The following NKD1 variants were observed in gnomAD, a reference collection of about 807,000 sequenced individuals.
NKD1 encodes NKD inhibitor of Wnt signaling pathway 1.
A neutral mutation model predicts 56.0 loss-of-function variants in NKD1; 21 were observed. The observed-to-expected ratio is 0.38, with a 90% confidence interval of 0.27 to 0.54. The LOEUF (loss-of-function observed/expected upper bound fraction) is 0.54. Ranked by LOEUF, NKD1 falls within the 20% of genes least tolerant of loss-of-function variation. The pLI, the probability that NKD1 is intolerant of heterozygous loss-of-function variation, is 0.82. For missense variants in NKD1, 578 were observed against 642.7 expected (o/e 0.90, Z 1.09); for synonymous variants, 263 against 265.7 (o/e 0.99, Z 0.10).
chr16:50,565,735 C>A (rs897352508), intron 3 of NKD1, among the ~76,000 whole-genome samples: 11 of 152,348 alleles, frequency 7.2e-5, no homozygotes, highest in Non-Finnish European at 1.6e-4. Flanking sequence ...TTAAGATTTT[C>A]TTTTAACTTA....
intron 3 of NKD1, among the ~76,000 whole-genome samples, chr16:50,550,134 C>T (rs2151260827): frequency 6.6e-6 from 1 of 151,940 alleles, no homozygotes; most frequent in East Asian, 1.9e-4. Flanking sequence ...CTGGGCAGAG[C>T]CCTGAGCCTT....
chr16:50,594,773 C>G (rs1054510133), intron 3 of NKD1, among the ~76,000 whole-genome samples: 1 of 151,408 alleles, frequency 6.6e-6, no homozygotes, highest in African/African-American at 2.4e-5. Context: ...CAGGTGTGAG[C>G]TGCTGGTGGG....
intron 3 of NKD1, among the ~76,000 whole-genome samples, chr16:50,577,696 C>T (rs1394005304): frequency 1.1e-4 from 17 of 152,318 alleles, no homozygotes; most frequent in South Asian, 2.1e-4. Context: ...TGGCAACCAC[C>T]GTTCCACTCT....
At position 50,608,297 on chromosome 16, in the gene NKD1, C is replaced by T. The variant is rs776286540; in HGVS notation, c.196C>T (p.Leu66Phe). The T allele has an allele frequency of 8.1e-6, 13 of 1,612,240 alleles. No homozygotes were observed. The highest frequency in any genetic ancestry group is 6.7e-5 in the Admixed American group (4 of 60,008). Residue 66 changes from leucine (L) to phenylalanine (F), a missense_variant, in exon 4 of 10, where the codon CTC (leucine) becomes TTC (phenylalanine). Physicochemically the swap from Leu to Phe is conservative, Grantham distance 22. Transcript: ENST00000268459. ...AGTIGRSTRE[L>F]VGDVLRDTLS... is the part of the protein sequence containing the mutation. ...CCTCTGCTCTGTCTTCTTGTAGGAG[C>T]TCGTGGGCGACGTGTTGAGAGACAC... is the stretch of plus-strand genomic sequence containing the variant.
chr16:50,592,181 A>G (rs7203943), intron 3 of NKD1, among the ~76,000 whole-genome samples: 53,662 of 152,206 alleles, frequency 0.35, 11,201 homozygotes, highest in Non-Finnish European at 0.47. Flanking sequence ...TCCAGTCCAC[A>G]TTGGCCTTGG....
chr16:50,621,560 TG>T, intron 4 of NKD1, 41 bp from the exon 5 acceptor site: 1 of 1,471,024 alleles, frequency 6.8e-7, no homozygotes, highest in Non-Finnish European at 9.5e-7. Context: ...GCCCGGCGTC[TG>T]GACCCTGCTC....
In NKD1 at chr16:50,585,513, C is replaced by T. The variant is rs60607049; in HGVS notation, c.193-22781C>T. 1.1e-3 allele frequency among the ~76,000 whole-genome samples: 172 copies of T among 152,306 alleles called. 1 individual carries two copies. Among genetic ancestry groups the T allele is most frequent in the African/African-American group, 3.8e-3 (156 of 41,580 alleles). On this transcript the variant is annotated intron_variant, in intron 3 of 9. Transcript: ENST00000268459. ...CCTGGGCAGCAGGCCCGATGGGGGA[C>T]GTGGGGCCCGGATGCCGGGAACTGA...
At chr16:50,571,150 G>T (rs1350175533) in intron 3 of NKD1, among the ~76,000 whole-genome samples, 1 of 152,200 alleles carries the variant, frequency 6.6e-6, no homozygotes, top group East Asian at 1.9e-4. Context: ...TGGATTAAAG[G>T]TCCCTTTCAA....
intron 4 of NKD1, among the ~76,000 whole-genome samples, chr16:50,611,068 C>A (rs532499380): frequency 1.3e-5 from 2 of 152,324 alleles, no homozygotes; most frequent in South Asian, 2.1e-4. Flanking sequence ...GGGCAGGACT[C>A]CAGGTAGTCG....
rs780519274 is a variant in NKD1 at position 50,633,599 on chromosome 16, C to G, written c.1231C>G (p.Gln411Glu). 2.2e-5 allele frequency: 35 copies of G among 1,611,068 alleles called. No individual in the cohort carries two copies. Among genetic ancestry groups the G allele is most frequent in the Non-Finnish European group, 3.0e-5 (35 of 1,179,380 alleles). Residue 411 changes from glutamine to glutamate, a missense_variant, in exon 10 of 10, where the codon CAG becomes GAG. Transcript: ENST00000268459. This position sits in a 1 kb window ranked among gnomAD's most constrained non-coding sequence, Gnocchi z 4.9. The part of the protein sequence containing the change: ...KHKHRAKESQ[Q>E]GCRGLQAPLA... ...CAAGCACCGAGCCAAGGAGAGCCAG[C>G]AGGGCTGCCGGGGCCTGCAGGCACC...
At chr16:50,604,446 C>T (rs1961662327) in intron 3 of NKD1, among the ~76,000 whole-genome samples, 2 of 152,196 alleles carry the variant, frequency 1.3e-5, no homozygotes, top group South Asian at 2.1e-4. Flanking sequence ...GGTCACCATA[C>T]AATAACAATA....
intron 6 of NKD1, among the ~76,000 whole-genome samples, chr16:50,627,790 C>G (rs2151280348): frequency 6.6e-6 from 1 of 152,332 alleles, no homozygotes; most frequent in African/African-American, 2.4e-5. Flanking sequence ...GCTAGAATTG[C>G]CAAAGCACAT....
intron 3 of NKD1, among the ~76,000 whole-genome samples, chr16:50,550,587 C>T (rs947426765): frequency 1.3e-5 from 2 of 152,116 alleles, no homozygotes; most frequent in Middle Eastern, 3.4e-3. Flanking sequence ...AGAAGCTCCC[C>T]TGTCCTCCTC....
In NKD1 at chr16:50,623,725, CTGTGTGTGTGTGTG is replaced by C. The variant is rs71928407; in HGVS notation, c.367-1734_367-1721del. ...AAGCTGTCTTGGAAACAGGTAAGTG[CTGTGTGTGTGTGTG>C]TGTGTGTGTGTGTGTGTGTGTGTGT... is the stretch of plus-strand genomic sequence containing the variant. On this transcript the variant is annotated intron_variant, in intron 5 of 9. Transcript: ENST00000268459. This position sits in a 1 kb window ranked among gnomAD's most constrained non-coding sequence, Gnocchi z 4.1. 1.4e-5 allele frequency among the ~76,000 whole-genome samples: 2 copies of C among 141,550 alleles called. No homozygotes were observed. Among genetic ancestry groups the C allele is most frequent in the Non-Finnish European group, 3.1e-5 (2 of 64,762 alleles). The allele number at this position is 141,550 out of a possible 152,430, so 92.9% of individuals were successfully genotyped here.
chr16:50,598,894 G>A lies in NKD1; in HGVS notation c.193-9400G>A, dbSNP rs928938477. Among the ~76,000 whole-genome samples, 1 of 151,880 alleles carries A rather than the reference G, an allele frequency of 6.6e-6. No individual in the cohort carries two copies. Among genetic ancestry groups the A allele is most frequent in the Non-Finnish European group, 1.5e-5 (1 of 67,920 alleles). On this transcript the variant is annotated intron_variant, in intron 3 of 9. Coordinates refer to ENST00000268459, the MANE Select transcript of NKD1 (RefSeq NM_033119.5). This position sits in a 1 kb window ranked among gnomAD's most constrained non-coding sequence, Gnocchi z 4.2. ...AGTGGTGGGGCAGGATCAGTGGTGTGGTGGGGTCAGTGGTGTGGTGGGCAG... is the reference window on the plus strand; with the variant it reads ...AGTGGTGGGGCAGGATCAGTGGTGTAGTGGGGTCAGTGGTGTGGTGGGCAG...
At chr16:50,573,850 G>A in intron 3 of NKD1, 1 of 985,440 alleles carries the variant, frequency 1.0e-6, no homozygotes, top group Non-Finnish European at 1.2e-6. Flanking sequence ...AGCCACAGGG[G>A]CTGAGAGGGG....
chr16:50,582,526 A>G (rs545852490), intron 3 of NKD1, among the ~76,000 whole-genome samples: 1 of 152,200 alleles, frequency 6.6e-6, no homozygotes, highest in Non-Finnish European at 1.5e-5. Context: ...ACATTCATTC[A>G]TTCTGGAATG....
rs554821532 is a variant in NKD1 at position 50,580,263 on chromosome 16, T to C, written c.193-28031T>C. Among the ~76,000 whole-genome samples, 12 of 152,380 alleles carry C rather than the reference T, an allele frequency of 7.9e-5. 1 individual carries two copies. In the South Asian group the frequency reaches 2.3e-3, roughly 29 times the overall value. On this transcript the variant is annotated intron_variant, in intron 3 of 9. Coordinates refer to ENST00000268459, the MANE Select transcript of NKD1 (RefSeq NM_033119.5). ...TGTCATGACACCATGATGGATCCCC[T>C]TGATGGACTGGCCATTCTGGCCTCA...
intron 3 of NKD1, among the ~76,000 whole-genome samples, chr16:50,550,238 G>A (rs1053326304): frequency 5.3e-5 from 8 of 152,312 alleles, no homozygotes; most frequent in Admixed American, 3.9e-4. Context: ...CTGGGACTTG[G>A]CGTTCACAGA....
Sources: allele counts gnomAD v4.1 joint callset (sites outside exome capture counted in the v4.1 genomes callset), GRCh38; gene constraint gnomAD v4.1.1; non-coding constraint Gnocchi (gnomAD v3.1); transcripts MANE v1.5; gene names NCBI Gene and HGNC (gene_info 2026-07-23, HGNC 2026-07-21).